Variants in KCNMA1 observed in about 807,000 individuals in gnomAD.
KCNMA1 encodes Calcium-activated potassium channel subunit alpha-1.
In KCNMA1, 29 loss-of-function variants were observed where a neutral mutation model predicts 140.0. The observed-to-expected ratio is 0.21, with a 90% CI of 0.15 to 0.28. The LOEUF (loss-of-function observed/expected upper bound fraction) is 0.28. Ranked by LOEUF, KCNMA1 falls within the 10% of genes least tolerant of loss-of-function variation. KCNMA1 has a pLI of 1.00. For missense variants in KCNMA1, 880 were observed against 1,602.2 expected (o/e 0.55, Z 7.70); for synonymous variants, 612 against 611.9 (o/e 1.00, Z 0.00).
chr10:76,950,512 C>A (rs2065847018), intron 21 of KCNMA1, among the ~76,000 whole-genome samples: 1 of 152,214 alleles, frequency 6.6e-6, no homozygotes, highest in African/African-American at 2.4e-5. Context: ...AGCCAGGAGG[C>A]CAGCCGTGGA....
At chr10:77,484,086 C>T (rs989346978) in intron 1 of KCNMA1, among the ~76,000 whole-genome samples, 4 of 152,316 alleles carry the variant, frequency 2.6e-5, no homozygotes, top group East Asian at 3.9e-4. Context: ...AGTCTGGCAC[C>T]GTGGGATTTC....
At chr10:76,954,520 G>A (rs1008137408) in intron 20 of KCNMA1, among the ~76,000 whole-genome samples, 1 of 152,130 alleles carries the variant, frequency 6.6e-6, no homozygotes, top group African/African-American at 2.4e-5. Flanking sequence ...GCTCTCCCTG[G>A]CTGAAGCCTT....
At chr10:77,126,626 G>A (rs2097739264) in intron 5 of KCNMA1, among the ~76,000 whole-genome samples, 1 of 152,026 alleles carries the variant, frequency 6.6e-6, no homozygotes. Flanking sequence ...CCTGCTAAAG[G>A]CTCAGAGCTA....
chr10:76,944,949 C>T lies in KCNMA1; in HGVS notation c.2726G>A (p.Arg909Gln), dbSNP rs968813967. The T allele has an allele frequency of 6.2e-7, 1 of 1,613,252 alleles. No homozygotes were observed. Among genetic ancestry groups the T allele is most frequent in the South Asian group, 1.1e-5 (1 of 91,024 alleles). The part of the protein sequence containing the change: ...VSILPGTPLS[R>Q]ADLRAVNINL... ...GATGTTGACAGCCCTTAAATCAGCC[C>T]GACTTAATGGCGTACCCTTTGGCAT... Residue 909 changes from arginine (R) to glutamine (Q), a missense_variant, in exon 23 of 28, where the codon CGG becomes CAG. By Grantham distance (43) the Arg-to-Gln change is conservative. Transcript: ENST00000286628.
At chr10:77,543,628 C>T (rs558384438) in intron 1 of KCNMA1, among the ~76,000 whole-genome samples, 3 of 152,082 alleles carry the variant, frequency 2.0e-5, no homozygotes. Flanking sequence ...GAAAAGTTAG[C>T]AGGTCAAAGA....
intron 1 of KCNMA1, among the ~76,000 whole-genome samples, chr10:77,549,454 C>T (rs2062218431): frequency 6.6e-6 from 1 of 152,230 alleles, no homozygotes. Flanking sequence ...AGGCCTTAAA[C>T]TCCTTGGAAG....
chr10:77,324,287 A>G (rs1258909579), intron 2 of KCNMA1, among the ~76,000 whole-genome samples: 1 of 152,114 alleles, frequency 6.6e-6, no homozygotes, highest in Admixed American at 6.5e-5. Flanking sequence ...CCCAGCTGAA[A>G]ACATTCTTAA....
chr10:77,046,484 T>G (rs2095062007), intron 14 of KCNMA1, among the ~76,000 whole-genome samples: 1 of 152,166 alleles, frequency 6.6e-6, no homozygotes, highest in Non-Finnish European at 1.5e-5. Context: ...TTTGGGCTGG[T>G]TACTAAAATG....
At chr10:77,064,104 A>G (rs1453057414) in intron 14 of KCNMA1, 2 of 985,284 alleles carry the variant, frequency 2.0e-6, no homozygotes, top group East Asian at 2.3e-4. Flanking sequence ...TGTTCAGTCC[A>G]TGCCAAGACC....
At chr10:77,229,391 G>C (rs2154200316) in intron 3 of KCNMA1, among the ~76,000 whole-genome samples, 1 of 149,856 alleles carries the variant, frequency 6.7e-6, no homozygotes, top group South Asian at 2.1e-4. Context: ...AAAAATAGTA[G>C]TAACAATAAT....
At chr10:77,361,751 G>A (rs559961906) in intron 2 of KCNMA1, among the ~76,000 whole-genome samples, 6 of 152,334 alleles carry the variant, frequency 3.9e-5, no homozygotes, top group South Asian at 2.1e-4. Context: ...GCCTTTCTGC[G>A]GCCTGGCAGG....
chr10:77,390,465 C>A (rs577039734), intron 2 of KCNMA1, among the ~76,000 whole-genome samples: 2 of 152,290 alleles, frequency 1.3e-5, no homozygotes, highest in East Asian at 3.9e-4. Context: ...ACCAAGTTGC[C>A]CACCTCATGG....
chr10:77,487,136 C>A (rs1285376353), intron 1 of KCNMA1, among the ~76,000 whole-genome samples: 1 of 152,206 alleles, frequency 6.6e-6, no homozygotes, highest in Non-Finnish European at 1.5e-5. Flanking sequence ...TCCAGCTCAG[C>A]CCTAGAACTC....
At chr10:77,538,300 T>TAC (rs2059405783) in intron 1 of KCNMA1, among the ~76,000 whole-genome samples, 1 of 152,038 alleles carries the variant, frequency 6.6e-6, no homozygotes, top group African/African-American at 2.4e-5. Flanking sequence ...TGCTATACCC[T>TAC]ACACCCTACA....
intron 22 of KCNMA1, among the ~76,000 whole-genome samples, chr10:76,946,788 C>T (rs1269157440): frequency 6.6e-6 from 1 of 152,084 alleles, no homozygotes; most frequent in Admixed American, 6.5e-5. Flanking sequence ...TAAGATGATC[C>T]CTGTGCAGTT....
intron 1 of KCNMA1, among the ~76,000 whole-genome samples, chr10:77,550,006 T>C (rs1396536586): frequency 6.6e-6 from 1 of 152,210 alleles, no homozygotes. Flanking sequence ...AAGAGCAGGA[T>C]GCTAAGAAGG....
intron 19 of KCNMA1, chr10:76,977,860 G>C (rs2078149951): frequency 1.9e-6 from 1 of 518,008 alleles, no homozygotes; most frequent in Non-Finnish European, 3.4e-6. Context: ...CCAGTACTTT[G>C]GAAAGCAAGG....
intron 3 of KCNMA1, among the ~76,000 whole-genome samples, chr10:77,202,135 C>T (rs1348190021): frequency 2.6e-5 from 4 of 152,180 alleles, no homozygotes; most frequent in Admixed American, 1.3e-4. Flanking sequence ...TGTCTACAGA[C>T]TGATTTCTTT....
intron 7 of KCNMA1, 136 bp from the exon 8 acceptor site, chr10:77,110,479 C>T (rs545402547): frequency 4.7e-5 from 37 of 794,214 alleles, no homozygotes; most frequent in Admixed American, 7.2e-5. Context: ...GTGTGGTTCC[C>T]GGGCTGAGTT....
Sources: gnomAD v4.1 joint callset for allele counts (sites outside exome capture counted in the v4.1 genomes callset) on GRCh38, gnomAD v4.1.1 for gene constraint, MANE v1.5 for transcripts, NCBI Gene and HGNC (gene_info 2026-07-23, HGNC 2026-07-21) for gene names.